CFAP299: variants seen among roughly 807,000 people sequenced by gnomAD.
CFAP299 encodes cilia and flagella associated protein 299.
In CFAP299, 21 loss-of-function variants were observed where a neutral mutation model predicts 27.0. The ratio of observed to expected loss-of-function variants is 0.78; its 90% CI spans 0.55 to 1.12. CFAP299 has a LOEUF of 1.12. CFAP299 is among the 50% of genes most tolerant of loss of function. CFAP299 has a pLI of 0.00. For missense variants in CFAP299, 310 were observed against 276.6 expected, an observed-to-expected ratio of 1.12 and a Z score of -0.86; for synonymous variants, 104 against 98.1, an observed-to-expected ratio of 1.06 and a Z score of -0.36.
intron 5 of CFAP299, among the ~76,000 whole-genome samples, chr4:80,948,012 C>G (rs1191540744): frequency 6.6e-6 from 1 of 152,112 alleles, no homozygotes; most frequent in Non-Finnish European, 1.5e-5. Context: ...GTGAACATCT[C>G]ATAACTCCAG....
chr4:80,589,376 G>T (rs1202331550), intron 3 of CFAP299, among the ~76,000 whole-genome samples: 7 of 152,142 alleles, frequency 4.6e-5, no homozygotes, highest in Non-Finnish European at 1.0e-4. Flanking sequence ...CATGTGATTA[G>T]TTAAATATGA....
chr4:80,794,375 G>GCCACTT (rs1727736486), intron 3 of CFAP299, among the ~76,000 whole-genome samples: 1 of 152,158 alleles, frequency 6.6e-6, no homozygotes, highest in African/African-American at 2.4e-5. Flanking sequence ...GGCAAGTGTT[G>GCCACTT]CCACTTCCAC....
At chr4:80,799,491 TA>T (rs1728140748) in intron 3 of CFAP299, among the ~76,000 whole-genome samples, 1 of 80,650 alleles carries the variant, frequency 1.2e-5, no homozygotes, top group Non-Finnish European at 2.1e-5. Context: ...ATTAAATATA[TA>T]TAATATATTT....
At chr4:80,434,676 C>T (rs1188678326) in intron 2 of CFAP299, among the ~76,000 whole-genome samples, 2 of 152,186 alleles carry the variant, frequency 1.3e-5, no homozygotes, top group Non-Finnish European at 2.9e-5. Context: ...GATTGAGTCT[C>T]TGCCAAACCT....
chr4:80,321,395 A>C, the CFAP299 span, among the ~76,000 whole-genome samples: 1 of 152,282 alleles, frequency 6.6e-6, no homozygotes, highest in East Asian at 1.9e-4. Flanking sequence ...GGCATTTATA[A>C]AGAAAACAAC....
chr4:80,334,303 G>A (rs572963769), upstream of CFAP299, among the ~76,000 whole-genome samples: 69 of 152,260 alleles, frequency 4.5e-4, no homozygotes, highest in African/African-American at 1.6e-3. Context: ...TTTCATTAAA[G>A]TGCTCTAGTT....
chr4:80,490,868 A>G (rs1731086992), intron 2 of CFAP299, among the ~76,000 whole-genome samples: 1 of 152,136 alleles, frequency 6.6e-6, no homozygotes, highest in South Asian at 2.1e-4. Flanking sequence ...GACATAATTC[A>G]CCTATTACTT....
chr4:80,466,290 T>C (rs999485407), intron 2 of CFAP299, among the ~76,000 whole-genome samples: 3 of 152,146 alleles, frequency 2.0e-5, no homozygotes, highest in African/African-American at 7.2e-5. Flanking sequence ...AACCTTTTTA[T>C]AAAAAGGAAA....
Position 80,658,643 on chromosome 4 carries a change from T to G in CFAP299, c.333+75460T>G, listed in dbSNP as rs117120957. Among the ~76,000 whole-genome samples the G allele has an allele frequency of 7.3e-3, 1,115 of 152,254 alleles. 31 individuals are homozygous for G. The highest frequency in any genetic ancestry group is 0.063 in the East Asian group (327 of 5,180). ...AATTAGAATGCTGAAGAACTTGTCC[T>G]TTCTCATCACTGTTTCACTTGTGAA... On this transcript the variant is annotated intron_variant, in intron 3 of 5. Transcript: ENST00000358105.
intron 2 of CFAP299, among the ~76,000 whole-genome samples, chr4:80,539,060 C>A (rs555870945): frequency 1.1e-4 from 17 of 152,232 alleles, no homozygotes; most frequent in African/African-American, 4.1e-4. Context: ...ATTTGTTCCA[C>A]TAAATTAAAT....
At chr4:80,933,249 C>T (rs1347376794) in intron 4 of CFAP299, among the ~76,000 whole-genome samples, 1 of 151,542 alleles carries the variant, frequency 6.6e-6, no homozygotes, top group African/African-American at 2.4e-5. Flanking sequence ...CATCATATTA[C>T]ACATTAGATC....
intron 2 of CFAP299, among the ~76,000 whole-genome samples, chr4:80,553,976 G>A (rs1243340824): frequency 6.6e-6 from 1 of 152,088 alleles, no homozygotes; most frequent in Non-Finnish European, 1.5e-5. Context: ...CTTTTGCTGT[G>A]TAGAAGGTCT....
intron 2 of CFAP299, among the ~76,000 whole-genome samples, chr4:80,528,069 A>G (rs1303249078): frequency 1.3e-5 from 2 of 152,142 alleles, no homozygotes; most frequent in Admixed American, 6.5e-5. Flanking sequence ...CTGGCAGATC[A>G]TTGATTAAGA....
chr4:80,613,719 G>A (rs1027758871), intron 3 of CFAP299, among the ~76,000 whole-genome samples: 2 of 152,260 alleles, frequency 1.3e-5, no homozygotes, highest in Non-Finnish European at 2.9e-5. Context: ...TTCAGGCTTA[G>A]GCTCATTAAA....
At chr4:80,593,354 T>G (rs1245865431) in intron 3 of CFAP299, among the ~76,000 whole-genome samples, 1 of 152,196 alleles carries the variant, frequency 6.6e-6, no homozygotes, top group Non-Finnish European at 1.5e-5. Context: ...AAGAATCAAT[T>G]TAACTGACAT....
intron 3 of CFAP299, among the ~76,000 whole-genome samples, chr4:80,587,357 G>A (rs1736501618): frequency 1.3e-5 from 2 of 152,006 alleles, no homozygotes; most frequent in Non-Finnish European, 2.9e-5. Context: ...ATAAAAATTT[G>A]ATACAGAGGC....
chr4:80,636,244 G>A (rs1739460975), intron 3 of CFAP299, among the ~76,000 whole-genome samples: 1 of 152,076 alleles, frequency 6.6e-6, no homozygotes, highest in South Asian at 2.1e-4. Context: ...CTTTCAGGTG[G>A]CCTTAAACTT....
chr4:80,742,969 G>A (rs894087800), intron 3 of CFAP299, among the ~76,000 whole-genome samples: 2 of 152,160 alleles, frequency 1.3e-5, no homozygotes, highest in Non-Finnish European at 2.9e-5. Flanking sequence ...TTAAGAAAAG[G>A]TGATTCAGAT....
chr4:80,506,289 TA>T (rs1560599501), intron 2 of CFAP299, among the ~76,000 whole-genome samples: 2 of 152,104 alleles, frequency 1.3e-5, no homozygotes, highest in Admixed American at 6.6e-5. Context: ...GATATCTATA[TA>T]AAAAGATGGC....
Sources: allele counts gnomAD v4.1 joint callset (sites outside exome capture counted in the v4.1 genomes callset), GRCh38; gene constraint gnomAD v4.1.1; transcripts MANE v1.5; gene names NCBI Gene and HGNC (gene_info 2026-07-23, HGNC 2026-07-21).